Variants in KCNQ1 observed in about 807,000 individuals in gnomAD.
KCNQ1 encodes the protein potassium voltage-gated channel subfamily KQT member 1.
A neutral mutation model predicts 72.4 loss-of-function variants in KCNQ1; 49 were observed. The ratio of observed to expected loss-of-function variants is 0.68; its 90% CI spans 0.54 to 0.86. The LOEUF is 0.86. Among genes scored for constraint, KCNQ1 ranks in the 40% least tolerant of loss-of-function variants. The pLI, the probability that KCNQ1 is intolerant of heterozygous loss-of-function variation, is 0.00. For missense variants in KCNQ1, 790 were observed against 945.1 expected (o/e 0.84, Z 2.15); for synonymous variants, 450 against 412.6 (o/e 1.09, Z -1.10).
chr11:2,839,171 C>T (rs899816852), intron 15 of KCNQ1, among the ~76,000 whole-genome samples: 2 of 152,100 alleles, frequency 1.3e-5, no homozygotes, highest in Admixed American at 6.5e-5. Flanking sequence ...GGGGCTTCCC[C>T]ACCCCCTCCC....
Position 2,477,148 on chromosome 11 carries a change from G to A in KCNQ1, c.386+31664G>A, listed in dbSNP as rs1266167967. On this transcript the variant is annotated intron_variant, in intron 1 of 15. Coordinates refer to ENST00000155840, the MANE Select transcript of KCNQ1 (RefSeq NM_000218.3). The surrounding 1 kb of genome is among the most constrained non-coding windows in gnomAD (Gnocchi z 5.0). Reference sequence around the variant, plus strand: ...GATGAATCTGAACCCTCATCAGAACGTCCACAGCTGACGGTGAACACATTG... The same window carrying A: ...GATGAATCTGAACCCTCATCAGAACATCCACAGCTGACGGTGAACACATTG... 2.0e-5 allele frequency among the ~76,000 whole-genome samples: 3 copies of A among 152,336 alleles called. No homozygotes were observed. The highest frequency in any genetic ancestry group is 2.9e-5 in the Non-Finnish European group (2 of 68,028).
Position 2,698,079 on chromosome 11 carries a change from A to G in KCNQ1, c.1514+35998A>G. On this transcript the variant is annotated intron_variant, in intron 11 of 15. Coordinates refer to ENST00000155840, the MANE Select transcript of KCNQ1 (RefSeq NM_000218.3). This position sits in a 1 kb window ranked among gnomAD's most constrained non-coding sequence, Gnocchi z 5.1. Reference sequence around the variant, plus strand: ...AATCCTGCCTGCCTGCTTTCCTTCAAGTACTGACTGAGTAAGGCTGTGTAT... The same window carrying G: ...AATCCTGCCTGCCTGCTTTCCTTCAGGTACTGACTGAGTAAGGCTGTGTAT... 1 of 398,670 alleles carries G rather than the reference A, an allele frequency of 2.5e-6. No individual in the cohort carries two copies. The highest frequency in any genetic ancestry group is 4.4e-6 in the Non-Finnish European group (1 of 226,074). 24.7% of individuals were successfully genotyped at this position (398,670 alleles called of 1,614,324 possible).
At chr11:2,788,548 AC>A (rs1399478193) in intron 15 of KCNQ1, among the ~76,000 whole-genome samples, 1 of 75,802 alleles carries the variant, frequency 1.3e-5, no homozygotes, top group African/African-American at 5.2e-5. Flanking sequence ...CCTCTGCACC[AC>A]CCCCCGCCCC....
intron 2 of KCNQ1, among the ~76,000 whole-genome samples, chr11:2,534,207 A>G (rs140298433): frequency 4.7e-4 from 72 of 152,260 alleles, no homozygotes; most frequent in Non-Finnish European, 8.8e-4. Flanking sequence ...TCTCTGTGGA[A>G]CAAGGTCGGG....
At chr11:2,540,969 G>A (rs1436169383) in intron 2 of KCNQ1, among the ~76,000 whole-genome samples, 1 of 152,244 alleles carries the variant, frequency 6.6e-6, no homozygotes, top group Non-Finnish European at 1.5e-5. Flanking sequence ...AGAAGAGGAT[G>A]CACAGGCACA....
At chr11:2,589,060 G>A (rs967644458) in intron 10 of KCNQ1, among the ~76,000 whole-genome samples, 2 of 152,194 alleles carry the variant, frequency 1.3e-5, no homozygotes, top group African/African-American at 2.4e-5. Flanking sequence ...AGCTGGCCAC[G>A]CCTTCTGTTG....
intron 1 of KCNQ1, chr11:2,521,498 C>T (rs1480141098): frequency 6.6e-5 from 31 of 469,380 alleles, no homozygotes; most frequent in Non-Finnish European, 1.2e-4. Context: ...ATTAAGCATA[C>T]GGTCACGAGA....
rs117964937 is a variant in KCNQ1 at position 2,738,423 on chromosome 11, G to T, written c.1515-30421G>T. Among the ~76,000 whole-genome samples, 181 of 152,330 alleles carry T rather than the reference G, an allele frequency of 1.2e-3. 2 individuals carry two copies. In the East Asian group the frequency reaches 0.034, roughly 29 times the overall value. ...TCCAGGCTAAGCGCCATGTGAGAAT[G>T]CAGCAGGTCGGGGCCACTGGCACTA... is the stretch of plus-strand genomic sequence containing the variant. On this transcript the variant is annotated intron_variant, in intron 11 of 15. Coordinates refer to ENST00000155840, the MANE Select transcript of KCNQ1 (RefSeq NM_000218.3).
In KCNQ1 at chr11:2,645,274, G is replaced by T. The variant is rs190398573; in HGVS notation, c.1394-16687G>T. 25 of 398,746 alleles carry T rather than the reference G, an allele frequency of 6.3e-5. No individual in the cohort carries two copies. Among genetic ancestry groups the T allele is most frequent in the African/African-American group, 3.9e-4 (19 of 48,722 alleles). The allele number at this position is 398,746 out of a possible 1,614,324, so 24.7% of individuals were successfully genotyped here. ...GTGGTGGTAATGGTCAGTTGGGTAG[G>T]GCAGTCCTCAAGCCCCCAGGAGTGC... On this transcript the variant is annotated intron_variant, in intron 10 of 15. Transcript: ENST00000155840. The surrounding 1 kb of genome is among the most constrained non-coding windows in gnomAD (Gnocchi z 5.8).
intron 11 of KCNQ1, among the ~76,000 whole-genome samples, chr11:2,722,688 G>A (rs955670144): frequency 6.6e-6 from 1 of 152,046 alleles, no homozygotes; most frequent in African/African-American, 2.4e-5. Flanking sequence ...CACGTGGTTG[G>A]GAGTCATGAC....
intron 15 of KCNQ1, among the ~76,000 whole-genome samples, chr11:2,834,720 T>C (rs944277630): frequency 5.9e-5 from 9 of 151,844 alleles, no homozygotes; most frequent in African/African-American, 1.7e-4. Context: ...TGTCTGAGAG[T>C]TGGGGAGACA....
At chr11:2,535,189 A>C (rs1043568199) in intron 2 of KCNQ1, among the ~76,000 whole-genome samples, 1 of 152,166 alleles carries the variant, frequency 6.6e-6, no homozygotes, top group Non-Finnish European at 1.5e-5. Flanking sequence ...GTTCAGGGTG[A>C]AAGGACGCTA....
Position 2,544,638 on chromosome 11 carries a change from A to G in KCNQ1, c.477+16620A>G, listed in dbSNP as rs146146971. ...GGTATTTCTTCTAATCTAGAACTGA[A>G]ATTCATTTTGACAAATTTATCTTGA... On this transcript the variant is annotated intron_variant, in intron 2 of 15. Transcript: ENST00000155840. The surrounding 1 kb of genome is among the most constrained non-coding windows in gnomAD (Gnocchi z 4.4). Among the ~76,000 whole-genome samples the G allele has an allele frequency of 6.6e-6, 1 of 152,276 alleles. No homozygotes were observed. The highest frequency in any genetic ancestry group is 1.9e-4 in the East Asian group (1 of 5,188).
chr11:2,521,320 G>A (rs1276842205), intron 1 of KCNQ1, among the ~76,000 whole-genome samples: 2 of 152,130 alleles, frequency 1.3e-5, no homozygotes, highest in African/African-American at 2.4e-5. Context: ...GCTTCCCTGC[G>A]ACGGTGGATT....
chr11:2,619,333 T>C, intron 10 of KCNQ1: 1 of 398,558 alleles, frequency 2.5e-6, no homozygotes, highest in African/African-American at 2.1e-5. Flanking sequence ...GCATTCGTTA[T>C]ATTGAGGAGT....
chr11:2,529,420 G>T (rs1403179128), intron 2 of KCNQ1, among the ~76,000 whole-genome samples: 1 of 151,854 alleles, frequency 6.6e-6, no homozygotes, highest in Non-Finnish European at 1.5e-5. Context: ...GGCCGCGGGT[G>T]AATAAACTGG....
intron 10 of KCNQ1, chr11:2,619,469 A>G: frequency 2.5e-6 from 1 of 398,598 alleles, no homozygotes; most frequent in South Asian, 1.3e-4. Flanking sequence ...TATCACATTG[A>G]TTGCTACATG....
chr11:2,664,105 C>G lies in KCNQ1; in HGVS notation c.1514+2024C>G. On this transcript the variant is annotated intron_variant, in intron 11 of 15. Transcript: ENST00000155840. The surrounding 1 kb of genome is among the most constrained non-coding windows in gnomAD (Gnocchi z 5.1). ...GCAGGTCAGAGACTCCAGTCATTAC[C>G]CAACCAGGTCCCTGCCCTGTAACTT... 2.5e-6 allele frequency: 1 copy of G among 398,688 alleles called. No homozygotes were observed. Among genetic ancestry groups the G allele is most frequent in the Non-Finnish European group, 4.4e-6 (1 of 226,128 alleles). The allele number at this position is 398,688 out of a possible 1,614,324, so 24.7% of individuals were successfully genotyped here. A position where few individuals can be genotyped will look rare whatever the true frequency, so the allele number is the denominator to read the frequency against.
chr11:2,644,378 A>G (rs1849633322), intron 10 of KCNQ1: 3 of 398,120 alleles, frequency 7.5e-6, no homozygotes, highest in South Asian at 1.3e-4. Flanking sequence ...GCTTTCAAAT[A>G]TGTTTTTTAT....
Sources: allele counts gnomAD v4.1 joint callset (sites outside exome capture counted in the v4.1 genomes callset), GRCh38; gene constraint gnomAD v4.1.1; non-coding constraint Gnocchi (gnomAD v3.1); transcripts MANE v1.5; gene names NCBI Gene and HGNC (gene_info 2026-07-23, HGNC 2026-07-21).